PRKG1: variants seen among roughly 807,000 people sequenced by gnomAD.
The protein encoded by PRKG1 is cGMP-dependent protein kinase 1.
A neutral mutation model predicts 88.1 loss-of-function variants in PRKG1; 35 were observed. The ratio of observed to expected loss-of-function variants is 0.40; its 90% CI spans 0.30 to 0.53. The LOEUF (loss-of-function observed/expected upper bound fraction) is 0.53, where lower values mean the gene tolerates loss of function less well. Among genes scored for constraint, PRKG1 ranks in the 20% least tolerant of loss-of-function variants. The pLI, the probability that PRKG1 is intolerant of heterozygous loss-of-function variation, is 0.59. For synonymous variants in PRKG1, 303 were observed against 292.5 expected, an observed-to-expected ratio of 1.04 and a Z score of -0.37; for missense variants, 540 against 839.8, an observed-to-expected ratio of 0.64 and a Z score of 4.41.
intron 1 of PRKG1, among the ~76,000 whole-genome samples, chr10:51,091,577 T>C (rs1006390624): frequency 2.0e-5 from 3 of 152,208 alleles, no homozygotes; most frequent in Admixed American, 6.5e-5. Flanking sequence ...GCATTTGTTG[T>C]TATATTGGAC....
chr10:51,555,833 A>G (rs1245749122), intron 3 of PRKG1, among the ~76,000 whole-genome samples: 1 of 151,954 alleles, frequency 6.6e-6, no homozygotes, highest in African/African-American at 2.4e-5. Flanking sequence ...CTTCATCTGT[A>G]TGATGGATGA....
Position 52,256,213 on chromosome 10 carries a change from C to A in PRKG1, c.1173+4547C>A, listed in dbSNP as rs1051352290. Among the ~76,000 whole-genome samples the A allele has an allele frequency of 2.6e-4, 36 of 139,582 alleles. 4 individuals carry two copies. Among genetic ancestry groups the A allele is most frequent in the African/African-American group, 8.2e-4 (33 of 40,420 alleles). The allele number at this position is 139,582 out of a possible 152,430, so 91.6% of individuals were successfully genotyped here. On this transcript the variant is annotated intron_variant, in intron 10 of 17. Transcript: ENST00000373980. ...TGTACACCTTTGCTTTAAAAAAATT[C>A]TTCTGGAATTCAAGAACCTGAATTA...
intron 9 of PRKG1, among the ~76,000 whole-genome samples, chr10:52,219,136 G>C (rs1315761960): frequency 1.3e-5 from 2 of 152,088 alleles, no homozygotes; most frequent in Admixed American, 1.3e-4. Flanking sequence ...CACACTAGAT[G>C]TAAGTGGGTC....
intron 2 of PRKG1, among the ~76,000 whole-genome samples, chr10:51,338,555 G>A (rs1406233477): frequency 3.9e-5 from 6 of 152,152 alleles, no homozygotes; most frequent in Admixed American, 3.9e-4. Flanking sequence ...TGGACCAGGG[G>A]CCATGGAACT....
chr10:51,489,473 G>A (rs962520061), intron 3 of PRKG1, among the ~76,000 whole-genome samples: 1 of 152,126 alleles, frequency 6.6e-6, no homozygotes, highest in Admixed American at 6.6e-5. Context: ...AAATTTATCA[G>A]AAATGCCAAT....
intron 3 of PRKG1, among the ~76,000 whole-genome samples, chr10:51,542,715 T>C (rs1262495898): frequency 6.6e-6 from 1 of 152,090 alleles, no homozygotes; most frequent in Non-Finnish European, 1.5e-5. Context: ...CTGGAAACCA[T>C]TTTGTGTCCT....
chr10:51,236,995 C>G (rs551437181), intron 2 of PRKG1, among the ~76,000 whole-genome samples: 122 of 152,312 alleles, frequency 8.0e-4, no homozygotes, highest in African/African-American at 2.9e-3. Context: ...AATCAGACTT[C>G]CTGTTTTGCT....
intron 2 of PRKG1, among the ~76,000 whole-genome samples, chr10:51,265,004 T>C (rs551330406): frequency 6.6e-6 from 1 of 152,030 alleles, no homozygotes; most frequent in Non-Finnish European, 1.5e-5. Flanking sequence ...AAACAGATAA[T>C]ATGGCTTGTG....
chr10:52,175,125 T>C (rs1838828399), intron 9 of PRKG1, among the ~76,000 whole-genome samples: 1 of 152,086 alleles, frequency 6.6e-6, no homozygotes, highest in Non-Finnish European at 1.5e-5. Flanking sequence ...ACAACTCTCC[T>C]TGTCCGCCAT....
At chr10:51,875,845 C>T (rs1841284777) in intron 4 of PRKG1, among the ~76,000 whole-genome samples, 1 of 151,970 alleles carries the variant, frequency 6.6e-6, no homozygotes, top group Admixed American at 6.6e-5. Context: ...TCGTTGTGGC[C>T]AAGCATACGT....
intron 7 of PRKG1, among the ~76,000 whole-genome samples, chr10:52,114,448 C>G (rs1015065687): frequency 6.6e-6 from 1 of 151,624 alleles, no homozygotes; most frequent in Non-Finnish European, 1.5e-5. Flanking sequence ...TAGTTCTTTT[C>G]GTTCTTTTTT....
chr10:51,338,852 T>C (rs1200034702), intron 2 of PRKG1, among the ~76,000 whole-genome samples: 1 of 152,176 alleles, frequency 6.6e-6, no homozygotes, highest in African/African-American at 2.4e-5. Flanking sequence ...TCAAATGATT[T>C]TCACAGAATA....
At chr10:51,888,382 A>G (rs1344123476) in intron 4 of PRKG1, among the ~76,000 whole-genome samples, 1 of 152,228 alleles carries the variant, frequency 6.6e-6, no homozygotes, top group Non-Finnish European at 1.5e-5. Context: ...ACTTTGAAAA[A>G]GTACAAGGAC....
intron 3 of PRKG1, among the ~76,000 whole-genome samples, chr10:51,633,337 C>A (rs999535322): frequency 6.6e-6 from 1 of 152,026 alleles, no homozygotes; most frequent in Admixed American, 6.6e-5. Flanking sequence ...AAGACTTACT[C>A]CTTTTAAACA....
intron 1 of PRKG1, among the ~76,000 whole-genome samples, chr10:51,043,179 C>G (rs56349951): frequency 0.023 from 3,572 of 152,188 alleles, 67 homozygotes; most frequent in Admixed American, 0.04. Flanking sequence ...AGTGAGGGTA[C>G]TGTCTTACGG....
chr10:51,032,305 C>T (rs1450171549), intron 1 of PRKG1, among the ~76,000 whole-genome samples: 1 of 152,062 alleles, frequency 6.6e-6, no homozygotes, highest in Non-Finnish European at 1.5e-5. Flanking sequence ...CCAATTTTAA[C>T]CCCCAAAGGT....
At chr10:51,564,278 G>C (rs1837544874) in intron 3 of PRKG1, among the ~76,000 whole-genome samples, 1 of 151,982 alleles carries the variant, frequency 6.6e-6, no homozygotes, top group Non-Finnish European at 1.5e-5. Flanking sequence ...GAAAAAGCTA[G>C]ACAATTGATA....
rs200334662 is a variant in PRKG1 at position 51,936,713 on chromosome 10, A to G, written c.762+29143A>G. ...AGTGTACTTGTTATGATGCTGGCTT[A>G]AAAACAATTTTTTTAAAAATTTTTT... On this transcript the variant is annotated intron_variant, in intron 5 of 17. Transcript: ENST00000373980. Among the ~76,000 whole-genome samples the G allele has an allele frequency of 2.1e-4, 32 of 152,196 alleles. No homozygotes were observed. The East Asian group carries it at 4.2e-3, about 20-fold the overall frequency.
At chr10:52,206,508 C>A (rs1257489031) in intron 9 of PRKG1, among the ~76,000 whole-genome samples, 1 of 152,190 alleles carries the variant, frequency 6.6e-6, no homozygotes, top group Non-Finnish European at 1.5e-5. Context: ...TGCCAGAGTA[C>A]TTGCACTGGT....
Sources: allele counts gnomAD v4.1 joint callset (sites outside exome capture counted in the v4.1 genomes callset), GRCh38; gene constraint gnomAD v4.1.1; transcripts MANE v1.5; gene names NCBI Gene and HGNC (gene_info 2026-07-23, HGNC 2026-07-21).